The following DLG2 variants were observed in gnomAD, a reference collection of about 807,000 sequenced individuals.
DLG2 encodes the protein disks large homolog 2.
A neutral mutation model predicts 132.5 loss-of-function variants in DLG2; 45 were observed. That is an observed-to-expected ratio of 0.34 (90% confidence interval 0.27 to 0.44). DLG2 has a LOEUF of 0.44. Among genes scored for constraint, DLG2 ranks in the 20% least tolerant of loss-of-function variants. The pLI, the probability that DLG2 is intolerant of heterozygous loss-of-function variation, is 1.00. For synonymous variants in DLG2, 424 were observed against 419.6 expected (o/e 1.01, Z -0.13); for missense variants, 1,045 against 1,196.9 (o/e 0.87, Z 1.87).
intron 18 of DLG2, among the ~76,000 whole-genome samples, chr11:83,658,191 G>A (rs959106474): frequency 6.6e-6 from 1 of 152,180 alleles, no homozygotes; most frequent in African/African-American, 2.4e-5. Context: ...ATTCCTAAGA[G>A]ATTTTAAACT....
chr11:83,884,448 G>C (rs576185903), intron 15 of DLG2, among the ~76,000 whole-genome samples: 188 of 152,304 alleles, frequency 1.2e-3, no homozygotes, highest in African/African-American at 4.2e-3. Context: ...TGGGAAACTG[G>C]AACTGGGTAG....
intron 14 of DLG2, among the ~76,000 whole-genome samples, chr11:83,953,233 A>C (rs528646765): frequency 5.9e-5 from 9 of 152,298 alleles, no homozygotes; most frequent in East Asian, 5.8e-4. Flanking sequence ...AAACTCACCC[A>C]CAGCAGCTAA....
chr11:83,685,136 G>A (rs2079518660), intron 18 of DLG2, among the ~76,000 whole-genome samples: 1 of 152,132 alleles, frequency 6.6e-6, no homozygotes, highest in East Asian at 1.9e-4. Context: ...CCGTATAGGT[G>A]AGGACTCTGG....
intron 3 of DLG2, among the ~76,000 whole-genome samples, chr11:85,497,822 C>T (rs1415971401): frequency 6.6e-6 from 1 of 152,132 alleles, no homozygotes. Context: ...TCATATCCAG[C>T]CAAACTAAGC....
In DLG2 at chr11:84,939,541, TCCACCATCACCCTTC is replaced by T. The variant is rs982629349; in HGVS notation, c.357+172105_357+172119del. Among the ~76,000 whole-genome samples the T allele has an allele frequency of 1.1e-4, 17 of 152,078 alleles. 1 individual carries two copies. Among genetic ancestry groups the T allele is most frequent in the Admixed American group, 2.0e-4 (3 of 15,250 alleles). On this transcript the variant is annotated intron_variant, in intron 6 of 27. Coordinates refer to ENST00000376104, the MANE Select transcript of DLG2 (RefSeq NM_001142699.3). The stretch of plus-strand genomic sequence containing the variant: ...TTTGTACCCATTAACCATTCCCATT[TCCACCATCACCCTTC>T]CCACCATCACCCTTCCCACCACTAT...
At chr11:84,786,870 A>G (rs2072984469) in intron 6 of DLG2, among the ~76,000 whole-genome samples, 1 of 152,180 alleles carries the variant, frequency 6.6e-6, no homozygotes, top group African/African-American at 2.4e-5. Flanking sequence ...CTTTGTCTAG[A>G]CCTTCCTTTA....
intron 21 of DLG2, among the ~76,000 whole-genome samples, chr11:83,499,852 GATATATATATATATATATAT>G (rs60890814): frequency 0.37 from 23,045 of 62,086 alleles, 3,340 homozygotes; most frequent in Middle Eastern, 0.39. Flanking sequence ...ACTAATAGGA[GATATATATATATATATATAT>G]ATATATATAT....
At chr11:84,001,323 T>TAA (rs34868321) in intron 11 of DLG2, among the ~76,000 whole-genome samples, 59,568 of 138,646 alleles carry the variant, frequency 0.43, 14,433 homozygotes, top group Middle Eastern at 0.57. Context: ...AGACTTCAAG[T>TAA]AAAAAAAAAA....
chr11:85,156,764 A>G (rs1396269229), intron 4 of DLG2, among the ~76,000 whole-genome samples: 1 of 152,190 alleles, frequency 6.6e-6, no homozygotes, highest in Non-Finnish European at 1.5e-5. Flanking sequence ...GCGCAAAGTA[A>G]AAGACTGCTT....
intron 3 of DLG2, among the ~76,000 whole-genome samples, chr11:85,308,155 A>AAAAAT (rs747745832): frequency 0.054 from 2,571 of 47,854 alleles, 84 homozygotes; most frequent in East Asian, 0.15. Flanking sequence ...CTCTGTCTCA[A>AAAAAT]AAAATAAAAT....
chr11:83,763,890 T>A (rs978747287), intron 18 of DLG2, among the ~76,000 whole-genome samples: 5 of 152,214 alleles, frequency 3.3e-5, no homozygotes, highest in African/African-American at 1.2e-4. Flanking sequence ...TAACTCATTT[T>A]AAAAATATTG....
At chr11:84,635,640 T>C (rs967730381) in intron 6 of DLG2, among the ~76,000 whole-genome samples, 2 of 152,092 alleles carry the variant, frequency 1.3e-5, no homozygotes, top group East Asian at 1.9e-4. Context: ...TAGTAACAAA[T>C]ACAAAAAACA....
chr11:84,414,333 C>G (rs2098921226), intron 7 of DLG2, among the ~76,000 whole-genome samples: 1 of 152,124 alleles, frequency 6.6e-6, no homozygotes, highest in Non-Finnish European at 1.5e-5. Flanking sequence ...AAACTACTTG[C>G]TTGTCACAGA....
At chr11:84,482,360 G>T (rs1167123870) in intron 7 of DLG2, among the ~76,000 whole-genome samples, 1 of 152,196 alleles carries the variant, frequency 6.6e-6, no homozygotes, top group African/African-American at 2.4e-5. Flanking sequence ...ACTTGTTAGT[G>T]TCAAAGGATC....
At position 83,573,871 on chromosome 11, in the gene DLG2, A is replaced by AT. The variant is rs200308460; in HGVS notation, c.1941-32014dup. Among the ~76,000 whole-genome samples, 12 of 152,318 alleles carry AT rather than the reference A, an allele frequency of 7.9e-5. No homozygotes were observed. The East Asian group carries it at 2.3e-3, about 29-fold the overall frequency. ...ATTTACAACAGTGCTTCGAGGCAGT[A>AT]TAACACATTGGAAAGAGCAAGCTTT... On this transcript the variant is annotated intron_variant, in intron 19 of 27. Coordinates refer to ENST00000376104, the MANE Select transcript of DLG2 (RefSeq NM_001142699.3).
intron 6 of DLG2, chr11:84,923,104 A>G (rs767349989): frequency 1.2e-6 from 2 of 1,613,956 alleles, no homozygotes; most frequent in African/African-American, 1.3e-5. Flanking sequence ...GTGCACAGTA[A>G]CATGCAAAGA....
chr11:85,335,190 A>C (rs1007376516), intron 3 of DLG2, among the ~76,000 whole-genome samples: 1 of 150,794 alleles, frequency 6.6e-6, no homozygotes, highest in African/African-American at 2.4e-5. Flanking sequence ...TCTTTGATCA[A>C]TATTAAAGTC....
At chr11:85,267,650 A>T (rs2077297474) in intron 4 of DLG2, among the ~76,000 whole-genome samples, 1 of 152,228 alleles carries the variant, frequency 6.6e-6, no homozygotes, top group Non-Finnish European at 1.5e-5. Context: ...TTATTTAAAA[A>T]AAAAAGAAAA....
At chr11:84,516,982 A>G (rs1463394476) in intron 7 of DLG2, among the ~76,000 whole-genome samples, 1 of 146,882 alleles carries the variant, frequency 6.8e-6, no homozygotes, top group East Asian at 2.0e-4. Flanking sequence ...CCTAAAACTT[A>G]AAGTATAAAA....
Sources: allele counts gnomAD v4.1 joint callset (sites outside exome capture counted in the v4.1 genomes callset), GRCh38; gene constraint gnomAD v4.1.1; transcripts MANE v1.5; gene names NCBI Gene and HGNC (gene_info 2026-07-23, HGNC 2026-07-21).